The following COL4A4 variants were observed in gnomAD, a reference collection of about 807,000 sequenced individuals.
COL4A4 encodes collagen alpha-4(IV) chain.
In COL4A4, 105 loss-of-function variants were observed where a neutral mutation model predicts 192.9. The observed-to-expected ratio is 0.54, with a 90% confidence interval of 0.46 to 0.64. The LOEUF (loss-of-function observed/expected upper bound fraction) is 0.64, where lower values mean the gene tolerates loss of function less well. Among genes scored for constraint, COL4A4 ranks in the 30% least tolerant of loss-of-function variants. The probability of loss-of-function intolerance (pLI) is 0.00; values close to 1 mark genes in which losing one functional copy is unlikely to be tolerated. For synonymous variants in COL4A4, 762 were observed against 769.9 expected, an observed-to-expected ratio of 0.99 and a Z score of 0.17; for missense variants, 1,967 against 2,169.3, an observed-to-expected ratio of 0.91 and a Z score of 1.85.
intron 4 of COL4A4, among the ~76,000 whole-genome samples, chr2:227,133,050 C>A (rs1265515173): frequency 1.3e-5 from 2 of 152,168 alleles, no homozygotes; most frequent in African/African-American, 4.8e-5. Context: ...GCACCTGTAT[C>A]GCTAGCCCTT....
chr2:226,982,920 TTG>T, the COL4A4 span, among the ~76,000 whole-genome samples: 5 of 152,198 alleles, frequency 3.3e-5, no homozygotes, highest in Admixed American at 2.6e-4. Flanking sequence ...ATTGTATTTG[TTG>T]TGTTTTTCAG....
Position 227,056,028 on chromosome 2 carries a change from G to A in COL4A4, c.2633C>T (p.Pro878Leu). 6.2e-7 allele frequency: 1 copy of A among 1,613,940 alleles called. No homozygotes were observed. The highest frequency in any genetic ancestry group is 1.3e-5 in the African/African-American group (1 of 74,990). The change falls in exon 30 of 48, where the codon CCT (proline) becomes CTT (leucine). Residue 878 changes from proline (P) to leucine (L), a missense_variant. Coordinates refer to ENST00000396625, the MANE Select transcript of COL4A4 (RefSeq NM_000092.5). ...MKGLPGLPGR[P>L]GAHGPPGLPG... ...GAGGCCTGGGGGACCATGTGCCCCA[G>A]GCCGTCCTGGGAGTCCGGGGAGGCC...
intron 4 of COL4A4, among the ~76,000 whole-genome samples, chr2:227,126,040 G>A (rs1477924721): frequency 6.6e-6 from 1 of 152,180 alleles, no homozygotes; most frequent in African/African-American, 2.4e-5. Flanking sequence ...CCGTTCTGAG[G>A]ACTCAACCGA....
chr2:226,989,564 T>C, the COL4A4 span, among the ~76,000 whole-genome samples: 3 of 152,224 alleles, frequency 2.0e-5, no homozygotes, highest in Non-Finnish European at 4.4e-5. Flanking sequence ...AGTGAGCATG[T>C]AGCAATTGTC....
At chr2:227,028,986 ACT>A (rs1381747471) in intron 41 of COL4A4, among the ~76,000 whole-genome samples, 1 of 151,804 alleles carries the variant, frequency 6.6e-6, no homozygotes, top group Non-Finnish European at 1.5e-5. Context: ...GAGATTAGAA[ACT>A]CTACTTAAAT....
intron 4 of COL4A4, among the ~76,000 whole-genome samples, chr2:227,121,577 G>GA (rs34830245): frequency 1.4e-5 from 2 of 139,748 alleles, no homozygotes; most frequent in African/African-American, 2.8e-5. Flanking sequence ...AAAAAAAAAA[G>GA]AAAAGAAAAG....
chr2:227,125,754 TTCCCCTGATC>T (rs2125093823), intron 4 of COL4A4, among the ~76,000 whole-genome samples: 1 of 152,228 alleles, frequency 6.6e-6, no homozygotes, highest in South Asian at 2.1e-4. Context: ...AGTGGAAAGA[TTCCCCTGATC>T]TCCTGCCCCT....
At position 227,103,486 on chromosome 2, in the gene COL4A4, GA is replaced by G. The variant is rs1453459399; in HGVS notation, c.817-290del. On this transcript the variant is annotated intron_variant, in intron 13 of 47. Transcript: ENST00000396625. ...AGTGGCTTATTTTGAGCAAAGTAAA[GA>G]AATTTAACCCAGCAATTGAAAAGCA... Among the ~76,000 whole-genome samples, 5 of 152,230 alleles carry G rather than the reference GA, an allele frequency of 3.3e-5. No homozygotes were observed. The East Asian group carries it at 9.7e-4, about 29-fold the overall frequency.
chr2:227,159,343 A>C (rs1296844245), intron 1 of COL4A4, among the ~76,000 whole-genome samples: 1 of 152,356 alleles, frequency 6.6e-6, no homozygotes, highest in Admixed American at 6.5e-5. Flanking sequence ...GATAGCAAAG[A>C]GGCAGAAAGA....
chr2:227,073,776 A>G (rs897270643), intron 25 of COL4A4, among the ~76,000 whole-genome samples: 1 of 152,124 alleles, frequency 6.6e-6, no homozygotes, highest in African/African-American at 2.4e-5. Context: ...AACAAAGCAT[A>G]CAAAAACAAA....
rs60679874 is a variant in COL4A4 at position 227,045,901 on chromosome 2, G to T, written c.3289+1574C>A. On this transcript the variant is annotated intron_variant, in intron 35 of 47. Coordinates refer to ENST00000396625, the MANE Select transcript of COL4A4 (RefSeq NM_000092.5). ...ATATATATGTATATATATTTAGATA[G>T]TATATATATGTATGTATATGTATAT... Among the ~76,000 whole-genome samples, 349 of 71,398 alleles carry T rather than the reference G, an allele frequency of 4.9e-3. 26 individuals are homozygous for T. The highest frequency in any genetic ancestry group is 0.011 in the African/African-American group (179 of 16,806). The allele number at this position is 71,398 out of a possible 152,430, so 46.8% of individuals were successfully genotyped here.
Position 227,002,720 on chromosome 2 carries a change from G to GAACTC in COL4A4, c.*4604_*4605insGAGTT, listed in dbSNP as rs1961284721. 2 of 152,644 alleles carry GAACTC rather than the reference G, an allele frequency of 1.3e-5. No individual in the cohort carries two copies. The highest frequency in any genetic ancestry group is 4.8e-5 in the African/African-American group (2 of 41,460). The allele number at this position is 152,644 out of a possible 1,614,324, so 9.5% of individuals were successfully genotyped here. A position where few individuals can be genotyped will look rare whatever the true frequency, so the allele number is the denominator to read the frequency against. On this transcript the variant is annotated 3_prime_UTR_variant, in exon 48 of 48. Transcript: ENST00000396625. Reference sequence around the variant, plus strand: ...ACCAGATAAAACACAGTTGTTTTTGGAAGTCATCACAGAATTTTATATATA... The same window carrying GAACTC: ...ACCAGATAAAACACAGTTGTTTTTGGAACTCAAGTCATCACAGAATTTTATATATA...
At chr2:227,018,092 A>G (rs1965284531) in intron 44 of COL4A4, among the ~76,000 whole-genome samples, 1 of 152,156 alleles carries the variant, frequency 6.6e-6, no homozygotes, top group South Asian at 2.1e-4. Context: ...TGAGGGTGGT[A>G]TATGTGGTGG....
At chr2:226,974,205 G>A in the COL4A4 span, among the ~76,000 whole-genome samples, 1 of 150,646 alleles carries the variant, frequency 6.6e-6, no homozygotes, top group Non-Finnish European at 1.5e-5. Context: ...AGCCCAGAGT[G>A]TTGTATGGGT....
At position 227,109,353 on chromosome 2, in the gene COL4A4, C is replaced by T. The variant is rs116693000; in HGVS notation, c.595-67G>A. The T allele has an allele frequency of 0.013, 16,252 of 1,265,148 alleles. 151 individuals are homozygous for T. Among genetic ancestry groups the T allele is most frequent in the Middle Eastern group, 0.027 (147 of 5,434 alleles). The allele number at this position is 1,265,148 out of a possible 1,614,324, so 78.4% of individuals were successfully genotyped here. A position where few individuals can be genotyped will look rare whatever the true frequency, so the allele number is the denominator to read the frequency against. On this transcript the variant is annotated intron_variant, in intron 9 of 47. Coordinates refer to ENST00000396625, the MANE Select transcript of COL4A4 (RefSeq NM_000092.5). ...TAATCATCTTTCACAGAAAGAGTTG[C>T]GTGTGATCCCATGTGGATAAAAACC...
At chr2:227,098,616 C>G in intron 19 of COL4A4, 78 bp downstream of exon 19, 2 of 1,071,180 alleles carry the variant, frequency 1.9e-6, no homozygotes, top group Admixed American at 3.5e-5. Context: ...ATATCAGCTA[C>G]AGTTGAAAGC....
intron 25 of COL4A4, among the ~76,000 whole-genome samples, chr2:227,071,932 CT>C (rs2058746774): frequency 6.6e-6 from 1 of 151,968 alleles, no homozygotes; most frequent in African/African-American, 2.4e-5. Flanking sequence ...TGCTAACTGC[CT>C]ACATCAAAAA....
the COL4A4 span, chr2:226,996,139 G>C: frequency 3.9e-5 from 6 of 152,786 alleles, no homozygotes; most frequent in African/African-American, 1.4e-4. Context: ...TTGAAGAAGT[G>C]TAAGAAAGAC....
intron 24 of COL4A4, 97 bp downstream of exon 24, chr2:227,080,346 C>G: frequency 8.9e-7 from 1 of 1,118,068 alleles, no homozygotes; most frequent in South Asian, 1.2e-5. Context: ...TGATATTTTA[C>G]TGAATTTCAG....
Sources: gnomAD v4.1 joint callset for allele counts (sites outside exome capture counted in the v4.1 genomes callset) on GRCh38, gnomAD v4.1.1 for gene constraint, MANE v1.5 for transcripts, NCBI Gene and HGNC (gene_info 2026-07-23, HGNC 2026-07-21) for gene names.